MPDZ: variants seen among roughly 807,000 people sequenced by gnomAD.
MPDZ encodes multiple PDZ domain protein.
In MPDZ, 234 loss-of-function variants were observed where a neutral mutation model predicts 239.1. The observed-to-expected ratio is 0.98, with a 90% CI of 0.88 to 1.09. MPDZ has a LOEUF of 1.09. Among genes scored for constraint, MPDZ ranks in the 50% least tolerant of loss-of-function variants. MPDZ has a pLI of 0.00. For synonymous variants in MPDZ, 1,048 were observed against 881.3 expected, an observed-to-expected ratio of 1.19 and a Z score of -3.35; for missense variants, 3,175 against 2,510.0, an observed-to-expected ratio of 1.26 and a Z score of -5.66.
At chr9:13,141,825 T>C (rs1386241702) in intron 27 of MPDZ, among the ~76,000 whole-genome samples, 1 of 152,190 alleles carries the variant, frequency 6.6e-6, no homozygotes, top group Non-Finnish European at 1.5e-5. Context: ...AAGTGTCAGA[T>C]TACAGAATCT....
At position 13,126,590 on chromosome 9, in the gene MPDZ, C is replaced by A. The variant is rs199839402; in HGVS notation, c.4558G>T (p.Asp1520Tyr). 34 of 1,604,940 alleles carry A rather than the reference C, an allele frequency of 2.1e-5. No homozygotes were observed. Among genetic ancestry groups the A allele is most frequent in the Non-Finnish European group, 2.7e-5 (32 of 1,175,160 alleles). The change falls in exon 34 of 47, where the codon GAT becomes TAT. Residue 1520 changes from aspartate (D) to tyrosine (Y), a missense_variant and splice_region_variant. Transcript: ENST00000319217. ...SLTEHGVAAT[D>Y]GRLKVGDQIL... ...TGATCTCCGACTTTGAGTCGTCCAT[C>A]CTAAATGGAAACGTAGAAGAATTTG...
intron 17 of MPDZ, among the ~76,000 whole-genome samples, chr9:13,188,514 T>C (rs538624496): frequency 1.3e-5 from 2 of 151,580 alleles, no homozygotes; most frequent in Admixed American, 6.6e-5. Flanking sequence ...CAAGGCTCCA[T>C]CAATCAATCA....
intron 1 of MPDZ, among the ~76,000 whole-genome samples, chr9:13,257,500 C>T (rs1399505847): frequency 5.3e-5 from 8 of 152,048 alleles, no homozygotes; most frequent in African/African-American, 1.9e-4. Context: ...AATATATTGT[C>T]AAATTTATAA....
At chr9:13,216,260 A>G (rs571421354) in intron 10 of MPDZ, among the ~76,000 whole-genome samples, 2 of 151,554 alleles carry the variant, frequency 1.3e-5, no homozygotes, top group Admixed American at 6.6e-5. Context: ...TGTTACAACG[A>G]TAACAATGAT....
In MPDZ at chr9:13,165,338, T is replaced by C. The variant is rs887319435; in HGVS notation, c.3255-2543A>G. The C allele has an allele frequency of 7.8e-6, 12 of 1,545,952 alleles. No individual in the cohort carries two copies. The African/African-American group carries it at 1.4e-4, about 18-fold the overall frequency. On this transcript the variant is annotated intron_variant, in intron 22 of 46. Coordinates refer to ENST00000319217, the MANE Select transcript of MPDZ (RefSeq NM_001378778.1). ...ACAGACAAGTTGTAACACACAGCCA[T>C]AATGAGCTTTCGAATCACTGATACT...
At chr9:13,226,659 C>T (rs1960709591) in intron 3 of MPDZ, among the ~76,000 whole-genome samples, 1 of 152,082 alleles carries the variant, frequency 6.6e-6, no homozygotes, top group Admixed American at 6.6e-5. Flanking sequence ...TTACTGTGCC[C>T]TGTTTTAATT....
At chr9:13,209,088 T>C (rs1264824910) in intron 10 of MPDZ, among the ~76,000 whole-genome samples, 1 of 152,150 alleles carries the variant, frequency 6.6e-6, no homozygotes, top group Non-Finnish European at 1.5e-5. Context: ...ATAGCCTGTC[T>C]GGTCTGTAAG....
Position 13,207,174 on chromosome 9 carries a change from T to C in MPDZ, c.1291-1075A>G, listed in dbSNP as rs74906854. 2.4e-3 allele frequency among the ~76,000 whole-genome samples: 370 copies of C among 152,308 alleles called. 3 individuals carry two copies. The highest frequency in any genetic ancestry group is 0.016 in the Admixed American group (244 of 15,296). On this transcript the variant is annotated intron_variant, in intron 10 of 46. Transcript: ENST00000319217. ...AGAAAAAAAGTGTCCTGTCTATTTG[T>C]CTTTTCAGAAAAATACATTTGATTT...
chr9:13,165,256 A>G, intron 22 of MPDZ: 1 of 1,061,168 alleles, frequency 9.4e-7, no homozygotes, highest in Non-Finnish European at 1.4e-6. Flanking sequence ...TATATACAAA[A>G]TCTATATCTG....
In MPDZ at chr9:13,113,070, A is replaced by C; in HGVS notation, c.5558-16T>G. 6.4e-7 allele frequency: 1 copy of C among 1,558,304 alleles called. No individual in the cohort carries two copies. The highest frequency in any genetic ancestry group is 1.2e-5 in the South Asian group (1 of 83,606). On this transcript the variant is annotated splice_polypyrimidine_tract_variant and intron_variant, in intron 41 of 46. Coordinates refer to ENST00000319217, the MANE Select transcript of MPDZ (RefSeq NM_001378778.1). ...TCAGATGCCACTGTAAAGGCAAAAA[A>C]GATAAAATAGGGTTATTTTATGTTC... is the stretch of plus-strand genomic sequence containing the variant.
intron 1 of MPDZ, among the ~76,000 whole-genome samples, chr9:13,262,146 T>A (rs1372275944): frequency 6.6e-6 from 1 of 152,002 alleles, no homozygotes; most frequent in Admixed American, 6.6e-5. Context: ...TATTTATAAA[T>A]AGTAAAAATA....
intron 38 of MPDZ, among the ~76,000 whole-genome samples, chr9:13,120,986 G>A (rs890145039): frequency 3.9e-5 from 6 of 152,258 alleles, no homozygotes; most frequent in Admixed American, 2.6e-4. Context: ...ATACTAAAAG[G>A]AAGAAAGATT....
At chr9:13,215,774 T>TTTG (rs1554703382) in intron 10 of MPDZ, among the ~76,000 whole-genome samples, 1 of 137,096 alleles carries the variant, frequency 7.3e-6, no homozygotes, top group Non-Finnish European at 1.6e-5. Flanking sequence ...TTTTTTTTTT[T>TTTG]GTCTTTTTTT....
intron 1 of MPDZ, among the ~76,000 whole-genome samples, chr9:13,273,659 T>C (rs907419362): frequency 6.6e-6 from 1 of 152,182 alleles, no homozygotes; most frequent in African/African-American, 2.4e-5. Context: ...ACATATGTAA[T>C]TTTGTCTGTA....
At chr9:13,260,356 G>C (rs1020008812) in intron 1 of MPDZ, among the ~76,000 whole-genome samples, 7 of 152,144 alleles carry the variant, frequency 4.6e-5, no homozygotes, top group African/African-American at 1.7e-4. Context: ...CTGTGACATG[G>C]TAATATGGAG....
chr9:13,152,287 C>T (rs1220674348), intron 24 of MPDZ, among the ~76,000 whole-genome samples: 1 of 152,180 alleles, frequency 6.6e-6, no homozygotes, highest in Non-Finnish European at 1.5e-5. Context: ...CCTAACCTCC[C>T]CTGCTGATAT....
intron 3 of MPDZ, among the ~76,000 whole-genome samples, chr9:13,236,646 T>C (rs1964120384): frequency 6.6e-6 from 1 of 151,876 alleles, no homozygotes; most frequent in Admixed American, 6.6e-5. Context: ...ACTAAAACCT[T>C]TGGGAATATA....
intron 3 of MPDZ, among the ~76,000 whole-genome samples, chr9:13,242,432 T>C (rs1274202121): frequency 2.6e-5 from 4 of 151,946 alleles, no homozygotes; most frequent in Non-Finnish European, 5.9e-5. Context: ...TTTCACCACG[T>C]TGACCATGCT....
intron 3 of MPDZ, among the ~76,000 whole-genome samples, chr9:13,247,365 A>G (rs1244573068): frequency 6.6e-6 from 1 of 152,186 alleles, no homozygotes; most frequent in Non-Finnish European, 1.5e-5. Flanking sequence ...ACATATTTTT[A>G]TCATCCGTTT....
Sources: gnomAD v4.1 joint callset for allele counts (sites outside exome capture counted in the v4.1 genomes callset) on GRCh38, gnomAD v4.1.1 for gene constraint, MANE v1.5 for transcripts, NCBI Gene and HGNC (gene_info 2026-07-23, HGNC 2026-07-21) for gene names.